ADAMTS9: variants seen among roughly 807,000 people sequenced by gnomAD.
ADAMTS9 encodes the protein ADAM metallopeptidase with thrombospondin type 1 motif 9.
In ADAMTS9, 107 loss-of-function variants were observed where a neutral mutation model predicts 257.1. That is an observed-to-expected ratio of 0.42 (90% CI 0.36 to 0.49). The LOEUF (loss-of-function observed/expected upper bound fraction) is 0.49, where lower values mean the gene tolerates loss of function less well. ADAMTS9 is among the 20% of genes least tolerant of loss of function. ADAMTS9 has a pLI of 0.03. For missense variants in ADAMTS9, 2,353 were observed against 2,469.1 expected, an observed-to-expected ratio of 0.95 and a Z score of 1.00; for synonymous variants, 982 against 880.9, an observed-to-expected ratio of 1.11 and a Z score of -2.03.
intron 19 of ADAMTS9, among the ~76,000 whole-genome samples, chr3:64,620,141 C>A (rs1700069778): frequency 6.6e-6 from 1 of 152,024 alleles, no homozygotes; most frequent in Non-Finnish European, 1.5e-5. Flanking sequence ...GAAGTCAGAG[C>A]CTTCAGTCAG....
At chr3:64,604,192 C>A in intron 24 of ADAMTS9, 35 bp downstream of exon 24, 3 of 1,602,928 alleles carry the variant, frequency 1.9e-6, no homozygotes, top group South Asian at 2.2e-5. Flanking sequence ...TAGCCCCCAT[C>A]CTGCCCTCCC....
At chr3:64,585,818 C>A (rs985216825) in intron 28 of ADAMTS9, among the ~76,000 whole-genome samples, 1 of 152,098 alleles carries the variant, frequency 6.6e-6, no homozygotes, top group Non-Finnish European at 1.5e-5. Context: ...CTGAAAACCC[C>A]AAATCTTGCT....
At chr3:64,570,797 T>C (rs1224521098) in intron 28 of ADAMTS9, among the ~76,000 whole-genome samples, 1 of 151,860 alleles carries the variant, frequency 6.6e-6, no homozygotes, top group East Asian at 1.9e-4. Context: ...GGGATAACTT[T>C]CAGGTTTCTG....
chr3:64,530,455 G>A (rs1213683237), intron 38 of ADAMTS9, among the ~76,000 whole-genome samples: 1 of 149,998 alleles, frequency 6.7e-6, no homozygotes, highest in East Asian at 2.0e-4. Context: ...ATATTCATGA[G>A]GAGTACTCGA....
intron 3 of ADAMTS9, among the ~76,000 whole-genome samples, chr3:64,669,825 C>G (rs951474355): frequency 1.3e-5 from 2 of 152,110 alleles, no homozygotes; most frequent in African/African-American, 4.8e-5. Context: ...CCATTACTCA[C>G]TGGGAAAATT....
At chr3:64,541,067 G>A (rs368390074) in intron 36 of ADAMTS9, 28 bp downstream of exon 36, 216 of 1,612,500 alleles carry the variant, frequency 1.3e-4, no homozygotes, top group Non-Finnish European at 1.7e-4. Flanking sequence ...GAACGCACAC[G>A]TTCCCAAAGG....
intron 37 of ADAMTS9, among the ~76,000 whole-genome samples, chr3:64,536,815 G>A (rs900412713): frequency 6.6e-6 from 1 of 152,172 alleles, no homozygotes; most frequent in Non-Finnish European, 1.5e-5. Flanking sequence ...CACATCTACT[G>A]TCATCAGGAT....
chr3:64,541,233 A>G lies in ADAMTS9; in HGVS notation c.5388-5T>C, dbSNP rs2083117642. The G allele has an allele frequency of 6.2e-7, 1 of 1,614,048 alleles. No individual in the cohort carries two copies. The highest frequency in any genetic ancestry group is 1.3e-5 in the African/African-American group (1 of 74,924). Reference sequence around the variant, plus strand: ...CATTCTGTTGGGTTGTGTAACCTAAATTATACAGAGAATGTTCTGGTAAGG... The same window carrying G: ...CATTCTGTTGGGTTGTGTAACCTAAGTTATACAGAGAATGTTCTGGTAAGG... On this transcript the variant is annotated splice_region_variant and splice_polypyrimidine_tract_variant and intron_variant, in intron 35 of 39. Coordinates refer to ENST00000498707, the MANE Select transcript of ADAMTS9 (RefSeq NM_182920.2).
intron 22 of ADAMTS9, among the ~76,000 whole-genome samples, chr3:64,607,408 T>C (rs748958259): frequency 2.6e-5 from 4 of 152,180 alleles, no homozygotes; most frequent in Non-Finnish European, 4.4e-5. Context: ...GTGGCTAAAA[T>C]AGGTACTTAA....
At chr3:64,591,326 G>C (rs542548704) in intron 28 of ADAMTS9, among the ~76,000 whole-genome samples, 54 of 152,018 alleles carry the variant, frequency 3.6e-4, no homozygotes, top group Admixed American at 1.9e-3. Flanking sequence ...TATAATCCCG[G>C]CTACTTGGGA....
intron 3 of ADAMTS9, among the ~76,000 whole-genome samples, chr3:64,670,774 A>G (rs1310246231): frequency 6.6e-6 from 1 of 152,234 alleles, no homozygotes; most frequent in Non-Finnish European, 1.5e-5. Flanking sequence ...GAAATACTCA[A>G]TATCATTAGA....
chr3:64,654,682 G>A, intron 6 of ADAMTS9, 70 bp from the exon 7 acceptor site: 7 of 1,545,054 alleles, frequency 4.5e-6, no homozygotes, highest in Non-Finnish European at 6.3e-6. Context: ...AATACTTTAG[G>A]GTCGTCTAGG....
chr3:64,552,534 T>A (rs1477071657), intron 30 of ADAMTS9, among the ~76,000 whole-genome samples: 1 of 152,074 alleles, frequency 6.6e-6, no homozygotes, highest in Non-Finnish European at 1.5e-5. Flanking sequence ...ACAACTGTGA[T>A]TTTTGTTGTG....
At chr3:64,571,592 T>C (rs967748511) in intron 28 of ADAMTS9, among the ~76,000 whole-genome samples, 14 of 152,314 alleles carry the variant, frequency 9.2e-5, no homozygotes, top group Admixed American at 5.9e-4. Context: ...TTTTTAAATT[T>C]GGGGACTTGA....
Position 64,539,038 on chromosome 3 carries a change from C to T in ADAMTS9, c.5613+165G>A, listed in dbSNP as rs139270393. Among the ~76,000 whole-genome samples the T allele has an allele frequency of 9.7e-4, 148 of 152,302 alleles. 1 individual carries two copies. Among genetic ancestry groups the T allele is most frequent in the East Asian group, 8.5e-3 (44 of 5,184 alleles). On this transcript the variant is annotated intron_variant, in intron 37 of 39. Coordinates refer to ENST00000498707, the MANE Select transcript of ADAMTS9 (RefSeq NM_182920.2). ...GGACCCACTTTCAGGAGCTGAATTA[C>T]GAGATTAGACTCCAGAGCATTTGAG...
intron 12 of ADAMTS9, among the ~76,000 whole-genome samples, chr3:64,635,711 T>C (rs961920807): frequency 2.6e-4 from 39 of 152,198 alleles, no homozygotes; most frequent in Non-Finnish European, 2.9e-4. Flanking sequence ...CAGACTCTTC[T>C]CTGTGCACGT....
intron 5 of ADAMTS9, 34 bp from the exon 6 acceptor site, chr3:64,655,725 G>A (rs1179070580): frequency 6.3e-7 from 1 of 1,592,852 alleles, no homozygotes; most frequent in African/African-American, 1.3e-5. Context: ...TTAATCTGTT[G>A]TACCGATCCC....
chr3:64,601,989 G>A lies in ADAMTS9; in HGVS notation c.3972C>T (p.Thr1324=), dbSNP rs1444260792. ...YRPRSASPSR[T]HVLGGNQWRT... Reference sequence around the variant, plus strand: ...TCCACTGGTTTCCACCGAGCACATGGGTGCGGCTGGGGCTGGCGCTCCGGG... The same window carrying A: ...TCCACTGGTTTCCACCGAGCACATGAGTGCGGCTGGGGCTGGCGCTCCGGG... The change falls in exon 26 of 40, where the codon ACC becomes ACT. Residue 1324 remains threonine, a synonymous_variant. Transcript: ENST00000498707. The A allele has an allele frequency of 6.2e-7, 1 of 1,613,772 alleles. No individual in the cohort carries two copies. The highest frequency in any genetic ancestry group is 1.7e-5 in the Admixed American group (1 of 60,002).
chr3:64,525,671 C>T (rs948980931), intron 38 of ADAMTS9, among the ~76,000 whole-genome samples: 10 of 151,810 alleles, frequency 6.6e-5, no homozygotes, highest in East Asian at 1.9e-4. Flanking sequence ...AGTGCAATGG[C>T]GCAATGTCAG....
Sources: allele counts gnomAD v4.1 joint callset (sites outside exome capture counted in the v4.1 genomes callset), GRCh38; gene constraint gnomAD v4.1.1; transcripts MANE v1.5; gene names NCBI Gene and HGNC (gene_info 2026-07-23, HGNC 2026-07-21).